The following GALNT2 variants were observed in gnomAD, a reference collection of about 807,000 sequenced individuals.
The protein encoded by GALNT2 is UDP-GalNAc:polypeptide N-acetylgalactosaminyltransferase 2.
GALNT2 carries 31 observed loss-of-function variants against 81.4 expected under a neutral mutation model. That is an observed-to-expected ratio of 0.38 (90% CI 0.29 to 0.51). GALNT2 has a LOEUF of 0.51. GALNT2 is among the 20% of genes least tolerant of loss of function. The pLI is 0.87. For synonymous variants in GALNT2, 303 were observed against 287.4 expected (o/e 1.05, Z -0.55); for missense variants, 629 against 765.7 (o/e 0.82, Z 2.11).
intron 1 of GALNT2, among the ~76,000 whole-genome samples, chr1:230,086,221 G>T (rs1659894502): frequency 1.3e-5 from 2 of 152,138 alleles, no homozygotes. Context: ...GCTCCTGGAG[G>T]GCTGGAATCT....
chr1:230,210,076 C>T (rs1249041642), intron 3 of GALNT2, among the ~76,000 whole-genome samples: 2 of 152,252 alleles, frequency 1.3e-5, no homozygotes, highest in South Asian at 2.1e-4. Context: ...GAGTGTGCTG[C>T]GCTTAGGAAG....
intron 1 of GALNT2, among the ~76,000 whole-genome samples, chr1:230,095,071 G>A (rs977969883): frequency 6.6e-5 from 10 of 152,014 alleles, no homozygotes; most frequent in Admixed American, 4.6e-4. Flanking sequence ...GTCCTCATAC[G>A]GTTCCTTTCT....
At chr1:230,141,535 C>A (rs897738138) in intron 1 of GALNT2, among the ~76,000 whole-genome samples, 2 of 152,178 alleles carry the variant, frequency 1.3e-5, no homozygotes, top group African/African-American at 4.8e-5. Flanking sequence ...TTAGTGGAAT[C>A]ATCCAGTATT....
chr1:230,121,584 G>T (rs1168882820), intron 1 of GALNT2, among the ~76,000 whole-genome samples: 1 of 152,188 alleles, frequency 6.6e-6, no homozygotes, highest in East Asian at 1.9e-4. Flanking sequence ...GGAGAATTAG[G>T]CGGATGTCCA....
rs929029558 is a variant in GALNT2, at chr1:230,193,346, G to A, written c.221-9791G>A. On this transcript the variant is annotated intron_variant, in intron 2 of 15. Coordinates refer to ENST00000366672, the MANE Select transcript of GALNT2 (RefSeq NM_004481.5). The surrounding 1 kb of genome is among the most constrained non-coding windows in gnomAD (Gnocchi z 4.3). ...ACCTCCCCTCCCCTTGTACACCTGC[G>A]GGTGGTAGATGACAGCTCTTTGCCC... is the stretch of plus-strand genomic sequence containing the variant. 2.0e-5 allele frequency among the ~76,000 whole-genome samples: 3 copies of A among 152,166 alleles called. No homozygotes were observed. The highest frequency in any genetic ancestry group is 4.4e-5 in the Non-Finnish European group (3 of 68,016).
intron 2 of GALNT2, among the ~76,000 whole-genome samples, chr1:230,202,151 A>C (rs1663912627): frequency 6.6e-6 from 1 of 152,202 alleles, no homozygotes; most frequent in East Asian, 1.9e-4. Context: ...GAGATCATAT[A>C]GGTGGCAAAT....
chr1:230,168,530 T>C (rs1032247785), intron 1 of GALNT2, among the ~76,000 whole-genome samples: 4 of 152,194 alleles, frequency 2.6e-5, no homozygotes, highest in Non-Finnish European at 4.4e-5. Context: ...CTGAGTTTTC[T>C]TGAACGAAGA....
At chr1:230,245,391 G>A (rs967797526) in intron 7 of GALNT2, among the ~76,000 whole-genome samples, 3 of 151,964 alleles carry the variant, frequency 2.0e-5, no homozygotes, top group Non-Finnish European at 2.9e-5. Flanking sequence ...TTGAACCCGC[G>A]AGGCGGCGGT....
chr1:230,227,035 A>G (rs757378515), intron 3 of GALNT2, among the ~76,000 whole-genome samples: 1 of 151,662 alleles, frequency 6.6e-6, no homozygotes, highest in Non-Finnish European at 1.5e-5. Context: ...AAGAAACATT[A>G]ATATTAGGTG....
At chr1:230,250,288 CAG>C (rs1665503549) in intron 9 of GALNT2, among the ~76,000 whole-genome samples, 167 bp from the exon 10 acceptor site, 2 of 152,212 alleles carry the variant, frequency 1.3e-5, no homozygotes, top group South Asian at 4.1e-4. Context: ...AGTGGTGAAG[CAG>C]AGAGAGTGGC....
intron 1 of GALNT2, among the ~76,000 whole-genome samples, chr1:230,115,730 C>T (rs995126593): frequency 1.2e-4 from 18 of 152,160 alleles, no homozygotes; most frequent in East Asian, 7.7e-4. Context: ...TTGTAGCATG[C>T]GTTGCTGTTT....
intron 1 of GALNT2, among the ~76,000 whole-genome samples, chr1:230,098,906 T>C (rs1433518596): frequency 6.6e-6 from 1 of 152,182 alleles, no homozygotes; most frequent in Non-Finnish European, 1.5e-5. Flanking sequence ...TTCATTCCTA[T>C]ATGAATCTGG....
In GALNT2 at chr1:230,177,342, G is replaced by A. The variant is rs191690879; in HGVS notation, c.127-876G>A. Among the ~76,000 whole-genome samples, 8 of 152,342 alleles carry A rather than the reference G, an allele frequency of 5.3e-5. No homozygotes were observed. In the East Asian group the frequency reaches 9.6e-4, roughly 18 times the overall value. Reference sequence around the variant, plus strand: ...AGGGAGGGATTACTGTTGCGTATCCGCCTAATCGCATCTGCTCAGGAAAAT... The same window carrying A: ...AGGGAGGGATTACTGTTGCGTATCCACCTAATCGCATCTGCTCAGGAAAAT... On this transcript the variant is annotated intron_variant, in intron 1 of 15. Coordinates refer to ENST00000366672, the MANE Select transcript of GALNT2 (RefSeq NM_004481.5).
At chr1:230,186,778 A>G (rs2102692850) in intron 2 of GALNT2, among the ~76,000 whole-genome samples, 1 of 152,318 alleles carries the variant, frequency 6.6e-6, no homozygotes, top group South Asian at 2.1e-4. Flanking sequence ...GAATGTACTG[A>G]TTTGCCTCTC....
At chr1:230,208,699 T>A (rs755214167) in intron 3 of GALNT2, among the ~76,000 whole-genome samples, 1 of 152,200 alleles carries the variant, frequency 6.6e-6, no homozygotes, top group Non-Finnish European at 1.5e-5. Context: ...TCTAACACTG[T>A]AGATTGCGTA....
chr1:230,224,035 G>A (rs927350849), intron 3 of GALNT2, among the ~76,000 whole-genome samples: 5 of 152,196 alleles, frequency 3.3e-5, no homozygotes, highest in Non-Finnish European at 7.3e-5. Context: ...CTTTGAGACA[G>A]GCAGAGCAGA....
At chr1:230,185,688 C>T (rs956728259) in intron 2 of GALNT2, among the ~76,000 whole-genome samples, 1 of 152,158 alleles carries the variant, frequency 6.6e-6, no homozygotes, top group African/African-American at 2.4e-5. Flanking sequence ...GCCCTGGCTT[C>T]TTTCAAAATG....
chr1:230,089,820 G>A (rs189959161), intron 1 of GALNT2, among the ~76,000 whole-genome samples: 95 of 152,234 alleles, frequency 6.2e-4, no homozygotes, highest in Non-Finnish European at 9.1e-4. Context: ...CTGCTAACAC[G>A]TGCAACACAT....
At chr1:230,270,469 C>T (rs1283066699) in intron 14 of GALNT2, among the ~76,000 whole-genome samples, 1 of 152,248 alleles carries the variant, frequency 6.6e-6, no homozygotes, top group Non-Finnish European at 1.5e-5. Flanking sequence ...CAACTGGGCA[C>T]TTGAAATATG....
Sources: gnomAD v4.1 joint callset for allele counts (sites outside exome capture counted in the v4.1 genomes callset) on GRCh38, gnomAD v4.1.1 for gene constraint, Gnocchi (gnomAD v3.1) non-coding constraint, MANE v1.5 for transcripts, NCBI Gene and HGNC (gene_info 2026-07-23, HGNC 2026-07-21) for gene names.